The following TNKS1BP1 variants were observed in gnomAD, a reference collection of about 807,000 sequenced individuals.
The protein encoded by TNKS1BP1 is CCR4-NOT transcription complex subunit 12.
TNKS1BP1 carries 48 observed loss-of-function variants against 141.1 expected under a neutral mutation model. The ratio of observed to expected loss-of-function variants is 0.34; its 90% CI spans 0.27 to 0.43. The LOEUF (loss-of-function observed/expected upper bound fraction) is 0.43. Among genes scored for constraint, TNKS1BP1 ranks in the 20% least tolerant of loss-of-function variants. The pLI, the probability that TNKS1BP1 is intolerant of heterozygous loss-of-function variation, is 1.00. For missense variants in TNKS1BP1, 2,149 were observed against 2,226.0 expected, an observed-to-expected ratio of 0.97 and a Z score of 0.70; for synonymous variants, 875 against 898.2, an observed-to-expected ratio of 0.97 and a Z score of 0.46.
rs765916230 is a variant in TNKS1BP1 at position 57,312,521 on chromosome 11, T to G, written c.2154+13A>C. 6.8e-7 allele frequency: 1 copy of G among 1,465,336 alleles called. No individual in the cohort carries two copies. Among genetic ancestry groups the G allele is most frequent in the Non-Finnish European group, 9.0e-7 (1 of 1,106,528 alleles). The allele number at this position is 1,465,336 out of a possible 1,614,324, so 90.8% of individuals were successfully genotyped here. The stretch of plus-strand genomic sequence containing the variant: ...GTCCCCAGAAGTCCCATTCTCCCTA[T>G]GCCCATTCTCACCTCAGAGCAGGTA... On this transcript the variant is annotated intron_variant, in intron 5 of 11. Coordinates refer to ENST00000358252, the MANE Select transcript of TNKS1BP1 (RefSeq NM_033396.3).
intron 6 of TNKS1BP1, among the ~76,000 whole-genome samples, chr11:57,305,568 G>A (rs917711071): frequency 2.6e-5 from 4 of 152,122 alleles, no homozygotes; most frequent in African/African-American, 9.7e-5. Context: ...AATGAGGGAG[G>A]GGTGAAGCTG....
At chr11:57,303,225 G>A (rs58803839) in intron 6 of TNKS1BP1, 3,984 of 168,428 alleles carry the variant, frequency 0.024, 152 homozygotes, top group African/African-American at 0.088. Flanking sequence ...CCACGTGCTC[G>A]GGCAGTCACA....
In TNKS1BP1 at chr11:57,322,088, G is replaced by A. The variant is rs367872510; in HGVS notation, c.-65-138C>T. On this transcript the variant is annotated intron_variant, in intron 1 of 11. Transcript: ENST00000358252. ...ACTTGGAGTGGGGGGGGGGGGGTAG[G>A]AGGAGGTCAAGGGAGGTTCCCAACA... The A allele has an allele frequency of 1.4e-4, 132 of 967,228 alleles. No homozygotes were observed. In the African/African-American group the frequency reaches 2.1e-3, roughly 15 times the overall value. The allele number at this position is 967,228 out of a possible 1,614,324, so 59.9% of individuals were successfully genotyped here. A position where few individuals can be genotyped will look rare whatever the true frequency, so the allele number is the denominator to read the frequency against.
At chr11:57,317,503 C>T (rs1366177160) in intron 4 of TNKS1BP1, among the ~76,000 whole-genome samples, 2 of 152,240 alleles carry the variant, frequency 1.3e-5, no homozygotes, top group Non-Finnish European at 2.9e-5. Context: ...AGAGTTATCA[C>T]AAGGATTGAG....
rs1855680952 is a variant in TNKS1BP1, at chr11:57,310,075, CG to C, written c.2635del (p.Arg879GlufsTer3). ...KRDSLGTYSS[R>X]DVSLGDWEFG... The stretch of plus-strand genomic sequence containing the variant: ...TTCCCAGTCCCCAAGGCTTACATCT[CG>C]ACTACTGTAGGTACCCAGTGAATCT... On this transcript the variant is annotated frameshift_variant, in exon 6 of 12. Transcript: ENST00000358252. LOFTEE classifies it high-confidence loss of function. The C allele has an allele frequency of 6.2e-7, 1 of 1,614,072 alleles. No homozygotes were observed. The highest frequency in any genetic ancestry group is 1.7e-5 in the Admixed American group (1 of 60,008).
chr11:57,304,868 G>A lies in TNKS1BP1; in HGVS notation c.4317-2043C>T, dbSNP rs1192277149. ...GCCCAGGCAACAAGAGCAAAACTCC[G>A]TCTCAAAAAAAAAAAAAAAAAAAAA... On this transcript the variant is annotated intron_variant, in intron 6 of 11. Coordinates refer to ENST00000358252, the MANE Select transcript of TNKS1BP1 (RefSeq NM_033396.3). Among the ~76,000 whole-genome samples the A allele has an allele frequency of 1.7e-4, 13 of 77,932 alleles. No homozygotes were observed. In the East Asian group the frequency reaches 3.9e-3, roughly 24 times the overall value. 51.1% of individuals were successfully genotyped at this position (77,932 alleles called of 152,430 possible). A position where few individuals can be genotyped will look rare whatever the true frequency, so the allele number is the denominator to read the frequency against.
In TNKS1BP1 at chr11:57,308,480, C is replaced by G; in HGVS notation, c.4231G>C (p.Gly1411Arg). Reference protein sequence around the residue: ...VGETSGPETQGEDYSSSSLEP... With the variant: ...VGETSGPETQREDYSSSSLEP... Reference sequence around the variant, plus strand: ...AAGGAAGACGAGGAGTAATCTTCACCCTGGGTCTCTGGCCCACTTGTCTCA... The same window carrying G: ...AAGGAAGACGAGGAGTAATCTTCACGCTGGGTCTCTGGCCCACTTGTCTCA... Residue 1411 changes from glycine to arginine, a missense_variant, in exon 6 of 12, where the codon GGT becomes CGT. Coordinates refer to ENST00000358252, the MANE Select transcript of TNKS1BP1 (RefSeq NM_033396.3). 6.2e-7 allele frequency: 1 copy of G among 1,614,168 alleles called. No individual in the cohort carries two copies. Among genetic ancestry groups the G allele is most frequent in the African/African-American group, 1.3e-5 (1 of 75,020 alleles).
At position 57,313,471 on chromosome 11, in the gene TNKS1BP1, G is replaced by C. The variant is rs148215033; in HGVS notation, c.1217C>G (p.Ser406Cys). The C allele has an allele frequency of 8.8e-6, 14 of 1,588,804 alleles. No homozygotes were observed. In the South Asian group the frequency reaches 9.2e-5, roughly 10 times the overall value. ...ACCCTTGGCCTCCTCCTCCCCGCCAGATGGAAACGTCCGAGTGAGATCCAG... is the reference window on the plus strand; with the variant it reads ...ACCCTTGGCCTCCTCCTCCCCGCCACATGGAAACGTCCGAGTGAGATCCAG... ...ELLDLTRTFPSGGEEEAKGDA... is the reference protein window; with the variant it reads ...ELLDLTRTFPCGGEEEAKGDA... The change falls in exon 5 of 12, where the codon TCT (serine) becomes TGT (cysteine). Residue 406 changes from serine to cysteine, a missense_variant. By Grantham distance (112) the Ser-to-Cys change is moderately radical (BLOSUM62 -1). Coordinates refer to ENST00000358252, the MANE Select transcript of TNKS1BP1 (RefSeq NM_033396.3).
intron 2 of TNKS1BP1, among the ~76,000 whole-genome samples, chr11:57,321,416 C>G (rs1855884859): frequency 6.6e-6 from 1 of 152,164 alleles, no homozygotes; most frequent in Non-Finnish European, 1.5e-5. Flanking sequence ...TCCCGTACCT[C>G]CTACACATTT....
intron 6 of TNKS1BP1, chr11:57,303,200 T>C (rs1401605201): frequency 3.7e-5 from 7 of 190,202 alleles, no homozygotes; most frequent in African/African-American, 1.6e-4. Flanking sequence ...GCTAGCAATG[T>C]GTTCCCTCCC....
At chr11:57,303,025 C>T (rs1855552468) in intron 6 of TNKS1BP1, 200 bp from the exon 7 acceptor site, 2 of 567,292 alleles carry the variant, frequency 3.5e-6, no homozygotes, top group Admixed American at 3.6e-5. Context: ...CTGGCAGGTT[C>T]AAATCCCTGA....
chr11:57,311,378 A>C, intron 5 of TNKS1BP1: 1 of 985,418 alleles, frequency 1.0e-6, no homozygotes, highest in Non-Finnish European at 1.2e-6. Flanking sequence ...CCCCGCCCCC[A>C]ACCCGCCTTG....
At chr11:57,305,990 T>G (rs1262600800) in intron 6 of TNKS1BP1, among the ~76,000 whole-genome samples, 2 of 152,148 alleles carry the variant, frequency 1.3e-5, no homozygotes, top group Non-Finnish European at 2.9e-5. Flanking sequence ...GTGCCCATAG[T>G]GGGCCAGGCA....
chr11:57,321,749 C>A (rs751067987), intron 2 of TNKS1BP1, 43 bp downstream of exon 2: 7 of 1,110,344 alleles, frequency 6.3e-6, no homozygotes, highest in South Asian at 2.6e-5. Context: ...GTCCTTCCCA[C>A]CCCCCTCCCA....
rs1038806059 is a variant in TNKS1BP1, at chr11:57,302,343, C to G, written c.4683+116G>C. ...GCCGGAGCTTCACGTTCACGTGACG[C>G]ACCTACAACCCGCTTTCTGCCTCCT... On this transcript the variant is annotated intron_variant, in intron 7 of 11. Coordinates refer to ENST00000358252, the MANE Select transcript of TNKS1BP1 (RefSeq NM_033396.3). The surrounding 1 kb of genome is among the most constrained non-coding windows in gnomAD (Gnocchi z 5.5). 6.5e-7 allele frequency: 1 copy of G among 1,537,494 alleles called. No homozygotes were observed. Among genetic ancestry groups the G allele is most frequent in the Non-Finnish European group, 8.8e-7 (1 of 1,141,026 alleles).
Position 57,324,890 on chromosome 11 carries a change from C to CCCGCCGCCGCCGCCGCTGCTA in TNKS1BP1, c.-137_-117dup, listed in dbSNP as rs778907460. 1.0e-6 allele frequency: 1 copy of CCCGCCGCCGCCGCCGCTGCTA among 991,786 alleles called. No homozygotes were observed. The highest frequency in any genetic ancestry group is 1.2e-6 in the Non-Finnish European group (1 of 835,456). The allele number at this position is 991,786 out of a possible 1,614,324, so 61.4% of individuals were successfully genotyped here. On this transcript the variant is annotated 5_prime_UTR_variant, in exon 1 of 12. Transcript: ENST00000358252. ...TCGGCTCGGGGCCCCGATGCCAGTC[C>CCCGCCGCCGCCGCCGCTGCTA]CCGCCGCCGCCGCCGCTGCTACCGC... is the stretch of plus-strand genomic sequence containing the variant.
chr11:57,302,714 C>G lies in TNKS1BP1; in HGVS notation c.4428G>C (p.Ser1476=). ...KAVARRESAA[S]GLGGLLEEEG... ...CCTCCTCCAACAGGCCCCCAAGGCC[C>G]GAGGCCGCTGACTCCCTCCGAGCCA... is the stretch of plus-strand genomic sequence containing the variant. Residue 1476 remains serine (S), a synonymous_variant, in exon 7 of 12, where the codon TCG becomes TCC. Coordinates refer to ENST00000358252, the MANE Select transcript of TNKS1BP1 (RefSeq NM_033396.3). This position sits in a 1 kb window ranked among gnomAD's most constrained non-coding sequence, Gnocchi z 5.5. 6.2e-7 allele frequency: 1 copy of G among 1,600,158 alleles called. No individual in the cohort carries two copies. Among genetic ancestry groups the G allele is most frequent in the Non-Finnish European group, 8.5e-7 (1 of 1,176,648 alleles).
At chr11:57,306,920 T>TGGGGGGG (rs1565039405) in intron 6 of TNKS1BP1, among the ~76,000 whole-genome samples, 14 of 31,100 alleles carry the variant, frequency 4.5e-4, no homozygotes, top group South Asian at 1.4e-3. Context: ...GGGGGTTGGG[T>TGGGGGGG]GGGAGGGGGG....
intron 9 of TNKS1BP1, 62 bp from the exon 10 acceptor site, chr11:57,301,103 G>A: frequency 6.7e-7 from 1 of 1,483,814 alleles, no homozygotes; most frequent in East Asian, 2.5e-5. Flanking sequence ...CTCTCAGGGG[G>A]TAAGACCTTA....
Sources: allele counts gnomAD v4.1 joint callset (sites outside exome capture counted in the v4.1 genomes callset), GRCh38; gene constraint gnomAD v4.1.1; non-coding constraint Gnocchi (gnomAD v3.1); transcripts MANE v1.5; gene names NCBI Gene and HGNC (gene_info 2026-07-23, HGNC 2026-07-21).